ZNF446: variants seen among roughly 807,000 people sequenced by gnomAD.
ZNF446 encodes the protein zinc finger protein 446, also known as zinc finger protein with KRAB and SCAN domains 20.
A neutral mutation model predicts 34.0 loss-of-function variants in ZNF446; 42 were observed. The ratio of observed to expected loss-of-function variants is 1.23; its 90% CI spans 0.96 to 1.60. The LOEUF (loss-of-function observed/expected upper bound fraction) is 1.60, where lower values mean the gene tolerates loss of function less well. Ranked by LOEUF, ZNF446 falls within the 40% of genes most tolerant of loss-of-function variation. The pLI, the probability that ZNF446 is intolerant of heterozygous loss-of-function variation, is 0.00. For missense variants in ZNF446, 650 were observed against 600.2 expected (o/e 1.08, Z -0.87); for synonymous variants, 315 against 251.0 (o/e 1.25, Z -2.41).
In ZNF446 at chr19:58,477,810, C is replaced by T. The variant is rs143035800; in HGVS notation, c.516C>T (p.Val172=). The part of the protein sequence containing the change: ...LSCSVKEEPN[V]DGQEVAPSSP... ...GCAGTGTGAAGGAGGAGCCCAATGT[C>T]GATGGACAGGAAGTGGGTGAGGTTG... Residue 172 remains valine, a synonymous_variant, in exon 3 of 7, where the codon GTC becomes GTT. Transcript: ENST00000594369. The T allele has an allele frequency of 4.1e-5, 65 of 1,566,556 alleles. No individual in the cohort carries two copies. Among genetic ancestry groups the T allele is most frequent in the Middle Eastern group, 1.7e-4 (1 of 5,854 alleles).
rs34732619 is a variant in ZNF446 at position 58,480,356 on chromosome 19, C to T, written c.983C>T (p.Pro328Leu). Residue 328 changes from proline (P) to leucine (L), a missense_variant, in exon 7 of 7, where the codon CCC becomes CTC. Pro to Leu is a moderately conservative substitution (Grantham distance 98, BLOSUM62 -3). Coordinates refer to ENST00000594369, the MANE Select transcript of ZNF446 (RefSeq NM_017908.4). The surrounding 1 kb of genome is among the most constrained non-coding windows in gnomAD (Gnocchi z 7.2). ...ACGAGACTGGAGCCGGCTGCCACCC[C>T]CAGGAAGCCCTACACGTGCGAGCAG... ...AETRLEPAAT[P>L]RKPYTCEQCG... is the part of the protein sequence containing the mutation. The T allele has an allele frequency of 7.8e-3, 12,453 of 1,603,316 alleles. 63 individuals are homozygous for T. Among genetic ancestry groups the T allele is most frequent in the Middle Eastern group, 0.011 (69 of 6,044 alleles).
downstream of ZNF446, among the ~76,000 whole-genome samples, chr19:58,482,205 T>C (rs1412984669): frequency 6.6e-6 from 1 of 152,086 alleles, no homozygotes; most frequent in Non-Finnish European, 1.5e-5. Context: ...CTTTTTTTTT[T>C]CTTGGTCCAT....
At chr19:58,484,285 A>AC (rs1181067948), downstream of ZNF446, among the ~76,000 whole-genome samples, 1 of 149,778 alleles carries the variant, frequency 6.7e-6, no homozygotes. Flanking sequence ...AAAAAAAAAA[A>AC]AAAAAAAAAC....
rs35375661 is a variant in ZNF446, at chr19:58,477,366, C to T, written c.148C>T (p.Leu50=). The T allele has an allele frequency of 4.1e-3, 6,566 of 1,613,446 alleles. 190 individuals are homozygous for T. The African/African-American group carries it at 0.069, about 17-fold the overall frequency. The change falls in exon 2 of 7, where the codon CTG becomes TTG. Residue 50 remains leucine (L), a synonymous_variant. Transcript: ENST00000594369. ...AGAAGCCCTGGCCCGGCTGCGTGAG[C>T]TGTGTTGCCAGTGGCTGCAGCCTGA... The part of the protein sequence containing the change: ...PREALARLRE[L]CCQWLQPEAH...
chr19:58,480,048 T>A lies in ZNF446; in HGVS notation c.802+29T>A. On this transcript the variant is annotated intron_variant, in intron 6 of 6. Transcript: ENST00000594369. The surrounding 1 kb of genome is among the most constrained non-coding windows in gnomAD (Gnocchi z 7.2). ...AGTGCCCCACACCATCCAGCCTGAA[T>A]CACCCCTCCTGTATCGGTGGGACCT... The A allele has an allele frequency of 1.9e-6, 3 of 1,568,634 alleles. No individual in the cohort carries two copies. The highest frequency in any genetic ancestry group is 2.6e-6 in the Non-Finnish European group (3 of 1,163,108).
chr19:58,483,872 G>A (rs1314593881), downstream of ZNF446: 1 of 152,102 alleles, frequency 6.6e-6, no homozygotes, highest in Non-Finnish European at 1.5e-5. Flanking sequence ...TTCATGCCTG[G>A]ATGAATCTAT....
chr19:58,484,097 T>G (rs2053156612), downstream of ZNF446, among the ~76,000 whole-genome samples: 1 of 151,866 alleles, frequency 6.6e-6, no homozygotes, highest in Admixed American at 6.6e-5. Context: ...TATTGTACAA[T>G]TCTGGAGACC....
chr19:58,482,114 A>T (rs1303759977), downstream of ZNF446, among the ~76,000 whole-genome samples: 1 of 152,058 alleles, frequency 6.6e-6, no homozygotes, highest in East Asian at 1.9e-4. Flanking sequence ...TTTTAACAGG[A>T]CTGGTTCCTC....
chr19:58,487,229 T>C, the ZNF446 span, among the ~76,000 whole-genome samples: 1 of 152,222 alleles, frequency 6.6e-6, no homozygotes, highest in African/African-American at 2.4e-5. Flanking sequence ...TGATGTCATA[T>C]GGCATAGTTG....
At chr19:58,484,677 G>A (rs996774347), downstream of ZNF446, among the ~76,000 whole-genome samples, 6 of 151,660 alleles carry the variant, frequency 4.0e-5, no homozygotes, top group South Asian at 2.1e-4. Flanking sequence ...ACTTTTTTTC[G>A]ATAAAATTTT....
the ZNF446 span, among the ~76,000 whole-genome samples, chr19:58,486,778 A>T: frequency 1.3e-5 from 2 of 150,596 alleles, no homozygotes; most frequent in Non-Finnish European, 2.9e-5. Flanking sequence ...TAAAAATTTT[A>T]TGACCTCAAG....
chr19:58,477,578 C>A lies in ZNF446; in HGVS notation c.342+18C>A. ...TGGGCTGGGTGAGTGTGGCTGGCAT[C>A]AGCTTCTTGGAGGGATAGACCCTGG... On this transcript the variant is annotated intron_variant, in intron 2 of 6. Transcript: ENST00000594369. 3 of 1,612,530 alleles carry A rather than the reference C, an allele frequency of 1.9e-6. No homozygotes were observed. Among genetic ancestry groups the A allele is most frequent in the Non-Finnish European group, 1.7e-6 (2 of 1,179,276 alleles).
downstream of ZNF446, among the ~76,000 whole-genome samples, chr19:58,485,840 A>G (rs2053165812): frequency 6.6e-6 from 1 of 152,090 alleles, no homozygotes; most frequent in African/African-American, 2.4e-5. Context: ...TCTACTTCTC[A>G]AATTGCTGGG....
In ZNF446 at chr19:58,480,731, C is replaced by G; in HGVS notation, c.*5C>G. 1 of 1,599,258 alleles carries G rather than the reference C, an allele frequency of 6.3e-7. No individual in the cohort carries two copies. Among genetic ancestry groups the G allele is most frequent in the Middle Eastern group, 1.7e-4 (1 of 6,040 alleles). On this transcript the variant is annotated 3_prime_UTR_variant, in exon 7 of 7. Transcript: ENST00000594369. The surrounding 1 kb of genome is among the most constrained non-coding windows in gnomAD (Gnocchi z 7.2). ...CACCGGCCGGAGGTTCCATGAGCAG[C>G]CAGACAGCACAGTCCCTCGGGGCCT...
chr19:58,477,747 C>G lies in ZNF446; in HGVS notation c.453C>G (p.Pro151=), dbSNP rs772151941. 5 of 1,612,720 alleles carry G rather than the reference C, an allele frequency of 3.1e-6. No homozygotes were observed. The South Asian group carries it at 3.3e-5, about 11-fold the overall frequency. The change falls in exon 3 of 7, where the codon CCC becomes CCG. Residue 151 remains proline, a synonymous_variant. Coordinates refer to ENST00000594369, the MANE Select transcript of ZNF446 (RefSeq NM_017908.4). The part of the protein sequence containing the change: ...SGTVESPGEG[P]QDTRIEGSVQ... ...CAGTGGAGTCCCCTGGGGAAGGTCC[C>G]CAGGACACCAGAATAGAGGGGTCTG... is the stretch of plus-strand genomic sequence containing the variant.
chr19:58,477,359 G>C lies in ZNF446; in HGVS notation c.141G>C (p.Leu47=). The C allele has an allele frequency of 6.2e-7, 1 of 1,613,494 alleles. No homozygotes were observed. Among genetic ancestry groups the C allele is most frequent in the Non-Finnish European group, 8.5e-7 (1 of 1,180,018 alleles). ...VAGPREALAR[L]RELCCQWLQP... ...GTCCCCGAGAAGCCCTGGCCCGGCT[G>C]CGTGAGCTGTGTTGCCAGTGGCTGC... The change falls in exon 2 of 7, where the codon CTG becomes CTC. Residue 47 remains leucine (L), a synonymous_variant. Coordinates refer to ENST00000594369, the MANE Select transcript of ZNF446 (RefSeq NM_017908.4).
In ZNF446 at chr19:58,479,985, C is replaced by T. The variant is rs757107947; in HGVS notation, c.768C>T (p.Leu256=). The T allele has an allele frequency of 1.9e-6, 3 of 1,591,228 alleles. No individual in the cohort carries two copies. The highest frequency in any genetic ancestry group is 2.6e-6 in the Non-Finnish European group (3 of 1,171,726). ...AQAQSELGML[L]TGTGVCRSLR... is the part of the protein sequence containing the mutation. ...CCCAGTCAGAGCTGGGGATGCTGCT[C>T]ACGGGGACAGGCGTCTGCAGAAGCC... The change falls in exon 6 of 7, where the codon CTC becomes CTT. Residue 256 remains leucine, a synonymous_variant. Transcript: ENST00000594369.
At chr19:58,485,267 G>A (rs577736138), downstream of ZNF446, among the ~76,000 whole-genome samples, 5 of 151,840 alleles carry the variant, frequency 3.3e-5, no homozygotes, top group African/African-American at 7.2e-5. Flanking sequence ...TTGGGAGGCC[G>A]AGGCGGGTGG....
chr19:58,480,065 G>A lies in ZNF446; in HGVS notation c.802+46G>A, dbSNP rs1408220578. 3 of 1,563,184 alleles carry A rather than the reference G, an allele frequency of 1.9e-6. No individual in the cohort carries two copies. The highest frequency in any genetic ancestry group is 1.8e-5 in the Admixed American group (1 of 54,138). On this transcript the variant is annotated intron_variant, in intron 6 of 6. Coordinates refer to ENST00000594369, the MANE Select transcript of ZNF446 (RefSeq NM_017908.4). This position sits in a 1 kb window ranked among gnomAD's most constrained non-coding sequence, Gnocchi z 7.2. The stretch of plus-strand genomic sequence containing the variant: ...AGCCTGAATCACCCCTCCTGTATCG[G>A]TGGGACCTGAGCCACCCACTCATGG...
Sources: gnomAD v4.1 joint callset for allele counts (sites outside exome capture counted in the v4.1 genomes callset) on GRCh38, gnomAD v4.1.1 for gene constraint, Gnocchi (gnomAD v3.1) non-coding constraint, MANE v1.5 for transcripts, NCBI Gene and HGNC (gene_info 2026-07-23, HGNC 2026-07-21) for gene names.